NUBPL: variants seen among roughly 807,000 people sequenced by gnomAD.
The protein encoded by NUBPL is iron-sulfur cluster transfer protein NUBPL.
A neutral mutation model predicts 45.7 loss-of-function variants in NUBPL; 31 were observed. The ratio of observed to expected loss-of-function variants is 0.68; its 90% CI spans 0.51 to 0.92. The LOEUF is 0.92. Among genes scored for constraint, NUBPL ranks in the 40% least tolerant of loss-of-function variants. The probability of loss-of-function intolerance (pLI) is 0.00; values close to 1 mark genes in which losing one functional copy is unlikely to be tolerated. For synonymous variants in NUBPL, 144 were observed against 140.9 expected (o/e 1.02, Z -0.15); for missense variants, 401 against 398.7 (o/e 1.01, Z -0.05).
intron 6 of NUBPL, among the ~76,000 whole-genome samples, chr14:31,724,834 GA>G (rs1195620791): frequency 6.6e-6 from 1 of 151,976 alleles, no homozygotes; most frequent in African/African-American, 2.4e-5. Flanking sequence ...CCATGCTTTG[GA>G]AAAAAAGGCA....
rs1233843948 is a variant in NUBPL, at chr14:31,723,814, A to C, written c.513+50240A>C. Among the ~76,000 whole-genome samples the C allele has an allele frequency of 1.3e-5, 2 of 152,156 alleles. 1 individual carries two copies. Among genetic ancestry groups the C allele is most frequent in the South Asian group, 4.1e-4 (2 of 4,824 alleles). On this transcript the variant is annotated intron_variant, in intron 6 of 10. Coordinates refer to ENST00000281081, the MANE Select transcript of NUBPL (RefSeq NM_025152.3). ...GGTTTTGTATCCTGAAATGTTGCTG[A>C]AGTTGTTTATCAGCGTAAGAACTTT...
intron 6 of NUBPL, among the ~76,000 whole-genome samples, chr14:31,757,581 C>G (rs570062931): frequency 4.6e-5 from 7 of 151,962 alleles, no homozygotes; most frequent in African/African-American, 1.4e-4. Flanking sequence ...AGTTACGTTG[C>G]TAAAATACAT....
chr14:31,853,271 G>A (rs907886399), intron 10 of NUBPL, among the ~76,000 whole-genome samples: 1 of 152,106 alleles, frequency 6.6e-6, no homozygotes, highest in African/African-American at 2.4e-5. Flanking sequence ...GCCCAGGCTG[G>A]TGTCAAACTC....
intron 6 of NUBPL, among the ~76,000 whole-genome samples, chr14:31,712,905 A>G (rs1190538817): frequency 6.6e-6 from 1 of 152,194 alleles, no homozygotes; most frequent in East Asian, 1.9e-4. Flanking sequence ...GTGGGAAAAC[A>G]GGAACTAGGG....
intron 4 of NUBPL, among the ~76,000 whole-genome samples, chr14:31,601,265 A>G (rs2034426220): frequency 6.6e-6 from 1 of 152,150 alleles, no homozygotes; most frequent in Non-Finnish European, 1.5e-5. Flanking sequence ...ATGAACTTTA[A>G]AGTAGTTTTT....
intron 6 of NUBPL, among the ~76,000 whole-genome samples, chr14:31,722,616 A>G (rs986777873): frequency 6.6e-6 from 1 of 151,810 alleles, no homozygotes; most frequent in Non-Finnish European, 1.5e-5. Context: ...ATTTTTTGAC[A>G]TTTTAATGCC....
At chr14:31,769,485 T>C (rs2038969545) in intron 6 of NUBPL, among the ~76,000 whole-genome samples, 1 of 152,184 alleles carries the variant, frequency 6.6e-6, no homozygotes, top group Non-Finnish European at 1.5e-5. Context: ...GAATGAGATG[T>C]GTTGGATGGC....
At chr14:31,826,142 A>T (rs143256297) in intron 7 of NUBPL, among the ~76,000 whole-genome samples, 1 of 151,846 alleles carries the variant, frequency 6.6e-6, no homozygotes, top group Admixed American at 6.6e-5. Context: ...TTGTTTTGAG[A>T]TGAAGTCTTG....
chr14:31,768,208 G>T (rs1431335056), intron 6 of NUBPL, among the ~76,000 whole-genome samples: 2 of 152,178 alleles, frequency 1.3e-5, no homozygotes, highest in Non-Finnish European at 2.9e-5. Flanking sequence ...TTTGGCAGGA[G>T]CCTATCAAGC....
At chr14:31,632,393 C>A (rs2035369426) in intron 4 of NUBPL, among the ~76,000 whole-genome samples, 1 of 152,144 alleles carries the variant, frequency 6.6e-6, no homozygotes, top group Non-Finnish European at 1.5e-5. Flanking sequence ...ATTCCTTGAC[C>A]ACCCTCTCCT....
chr14:31,658,414 C>T (rs184066305), intron 4 of NUBPL, among the ~76,000 whole-genome samples: 41 of 152,174 alleles, frequency 2.7e-4, no homozygotes, highest in African/African-American at 9.4e-4. Flanking sequence ...AGACAGTTTG[C>T]CCAAGGTCAC....
At chr14:31,617,089 T>C (rs2034923360) in intron 4 of NUBPL, among the ~76,000 whole-genome samples, 1 of 152,128 alleles carries the variant, frequency 6.6e-6, no homozygotes, top group Non-Finnish European at 1.5e-5. Context: ...GTTATTGGAG[T>C]ATAGGAATGC....
rs185468468 is a variant in NUBPL at position 31,775,662 on chromosome 14, A to C, written c.514-12118A>C. Among the ~76,000 whole-genome samples, 59 of 152,226 alleles carry C rather than the reference A, an allele frequency of 3.9e-4. 1 individual carries two copies. The highest frequency in any genetic ancestry group is 1.7e-3 in the East Asian group (9 of 5,176). On this transcript the variant is annotated intron_variant, in intron 6 of 10. Transcript: ENST00000281081. The stretch of plus-strand genomic sequence containing the variant: ...GTCTATATCCTTCTTAATTTGATGC[A>C]CATATTTGATTTCCTGGCTACCTTG...
At chr14:31,649,543 A>G (rs578145563) in intron 4 of NUBPL, among the ~76,000 whole-genome samples, 45 of 152,250 alleles carry the variant, frequency 3.0e-4, no homozygotes, top group Non-Finnish European at 5.9e-4. Context: ...TAAGTTTTGC[A>G]CTTTTAGAGT....
chr14:31,800,679 CT>C (rs1335134737), intron 7 of NUBPL, among the ~76,000 whole-genome samples: 1 of 152,100 alleles, frequency 6.6e-6, no homozygotes, highest in Non-Finnish European at 1.5e-5. Context: ...TAAAAAAGAA[CT>C]TCTTACTTGT....
At chr14:31,714,413 A>G (rs1048452779) in intron 6 of NUBPL, among the ~76,000 whole-genome samples, 1 of 152,162 alleles carries the variant, frequency 6.6e-6, no homozygotes, top group African/African-American at 2.4e-5. Context: ...TAACTGGCTG[A>G]TGGTTCTGCA....
intron 10 of NUBPL, among the ~76,000 whole-genome samples, chr14:31,856,916 G>A (rs1221828589): frequency 1.3e-5 from 2 of 152,168 alleles, no homozygotes; most frequent in Non-Finnish European, 2.9e-5. Flanking sequence ...AGTTGTCAGT[G>A]GATCTGCCAT....
rs532371601 is a variant in NUBPL, at chr14:31,780,279, A to G, written c.514-7501A>G. Among the ~76,000 whole-genome samples the G allele has an allele frequency of 3.3e-5, 5 of 151,904 alleles. No individual in the cohort carries two copies. In the South Asian group the frequency reaches 6.3e-4, roughly 19 times the overall value. ...GAGATGGGGTTTCACCAAGTTGGCC[A>G]GGCTAGTCTGTGAACTCCTGACCTC... On this transcript the variant is annotated intron_variant, in intron 6 of 10. Coordinates refer to ENST00000281081, the MANE Select transcript of NUBPL (RefSeq NM_025152.3).
intron 6 of NUBPL, among the ~76,000 whole-genome samples, chr14:31,735,066 T>G (rs539694347): frequency 6.6e-6 from 1 of 152,294 alleles, no homozygotes; most frequent in South Asian, 2.1e-4. Context: ...TTTAGTAGCA[T>G]CTTTGGCTTC....
Sources: allele counts gnomAD v4.1 joint callset (sites outside exome capture counted in the v4.1 genomes callset), GRCh38; gene constraint gnomAD v4.1.1; transcripts MANE v1.5; gene names NCBI Gene and HGNC (gene_info 2026-07-23, HGNC 2026-07-21).